The following CCDC102B variants were observed in gnomAD, a reference collection of about 807,000 sequenced individuals.
CCDC102B encodes coiled-coil domain containing 102B, also known as coiled-coil domain-containing protein 102B.
Under a neutral mutation model 57.4 loss-of-function variants are expected in CCDC102B, and 75 were observed. The ratio of observed to expected loss-of-function variants is 1.31; its 90% confidence interval spans 1.08 to 1.58. The LOEUF (loss-of-function observed/expected upper bound fraction) is 1.58, where lower values mean the gene tolerates loss of function less well. Among genes scored for constraint, CCDC102B ranks in the 40% most tolerant of loss-of-function variants. The probability of loss-of-function intolerance (pLI) is 0.00; values close to 1 mark genes in which losing one functional copy is unlikely to be tolerated. For missense variants in CCDC102B, 636 were observed against 582.6 expected, an observed-to-expected ratio of 1.09 and a Z score of -0.94; for synonymous variants, 206 against 201.9, an observed-to-expected ratio of 1.02 and a Z score of -0.17.
intron 2 of CCDC102B, among the ~76,000 whole-genome samples, chr18:68,788,933 T>G (rs2035319853): frequency 6.6e-6 from 1 of 152,256 alleles, no homozygotes; most frequent in African/African-American, 2.4e-5. Flanking sequence ...CTGGATGGTC[T>G]TTACATTTTG....
intron 7 of CCDC102B, among the ~76,000 whole-genome samples, chr18:69,027,559 A>G (rs546699971): frequency 6.6e-6 from 1 of 152,200 alleles, no homozygotes; most frequent in Admixed American, 6.5e-5. Context: ...GTGTATTAAC[A>G]TTTTTACTTT....
At chr18:69,018,147 A>G (rs2051720853) in intron 7 of CCDC102B, among the ~76,000 whole-genome samples, 1 of 152,218 alleles carries the variant, frequency 6.6e-6, no homozygotes, top group Non-Finnish European at 1.5e-5. Context: ...TATCTTCACC[A>G]TTGTGAACAT....
At chr18:68,884,375 G>A (rs1358743231) in intron 5 of CCDC102B, among the ~76,000 whole-genome samples, 1 of 152,038 alleles carries the variant, frequency 6.6e-6, no homozygotes, top group Admixed American at 6.6e-5. Context: ...ACATGGATGG[G>A]CCAGTAGGAC....
In CCDC102B at chr18:68,837,619, C is replaced by T. The variant is rs78078003; in HGVS notation, c.606+250C>T. Among the ~76,000 whole-genome samples, 951 of 152,214 alleles carry T rather than the reference C, an allele frequency of 6.2e-3. 7 individuals are homozygous for T. Among genetic ancestry groups the T allele is most frequent in the Middle Eastern group, 0.031 (9 of 294 alleles). ...CCTCTCTCCTTGGCTTATAGAAAGC[C>T]GTTTTCTCCCTGTGTCTTCACATGG... On this transcript the variant is annotated intron_variant, in intron 2 of 7. Transcript: ENST00000360242.
chr18:68,753,937 A>G (rs1445808810), intron 2 of CCDC102B: 1 of 152,112 alleles, frequency 6.6e-6, no homozygotes, highest in Admixed American at 6.6e-5. Flanking sequence ...CTTTTTTTCA[A>G]TAATAAAAAT....
chr18:68,887,363 T>C (rs2039927526), intron 5 of CCDC102B, among the ~76,000 whole-genome samples: 1 of 152,142 alleles, frequency 6.6e-6, no homozygotes, highest in Non-Finnish European at 1.5e-5. Context: ...TGAACTCTGG[T>C]CATAAATAAT....
intron 6 of CCDC102B, among the ~76,000 whole-genome samples, chr18:68,922,101 C>T (rs976217818): frequency 6.6e-6 from 1 of 152,126 alleles, no homozygotes; most frequent in Non-Finnish European, 1.5e-5. Flanking sequence ...ATCCTGCACT[C>T]AGCCTATTGA....
chr18:68,728,754 AAAAAT>A (rs1328867666), intron 2 of CCDC102B, among the ~76,000 whole-genome samples: 1 of 152,216 alleles, frequency 6.6e-6, no homozygotes, highest in Non-Finnish European at 1.5e-5. Flanking sequence ...GTAAGACAAA[AAAAAT>A]AGAAGAATTT....
intron 5 of CCDC102B, among the ~76,000 whole-genome samples, chr18:68,884,907 G>A (rs1223759638): frequency 1.3e-5 from 2 of 151,794 alleles, no homozygotes; most frequent in African/African-American, 4.8e-5. Context: ...AGGTAACTAT[G>A]TGAGGTGATG....
Position 69,054,443 on chromosome 18 carries a change from G to A in CCDC102B, c.*306G>A, listed in dbSNP as rs1055344579. ...TAAAATCTGAAAGAGTTATAATATCGGTAAGAAAAAGTAAGTTGAAAACCA... is the reference window on the plus strand; with the variant it reads ...TAAAATCTGAAAGAGTTATAATATCAGTAAGAAAAAGTAAGTTGAAAACCA... On this transcript the variant is annotated 3_prime_UTR_variant, in exon 8 of 8. Coordinates refer to ENST00000360242, the MANE Select transcript of CCDC102B (RefSeq NM_024781.3). 96 of 1,034,274 alleles carry A rather than the reference G, an allele frequency of 9.3e-5. No individual in the cohort carries two copies. The highest frequency in any genetic ancestry group is 1.1e-4 in the Non-Finnish European group (92 of 862,526). The allele number at this position is 1,034,274 out of a possible 1,614,324, so 64.1% of individuals were successfully genotyped here.
At chr18:68,795,125 C>T (rs771125242), upstream of CCDC102B, among the ~76,000 whole-genome samples, 11 of 150,642 alleles carry the variant, frequency 7.3e-5, no homozygotes, top group Admixed American at 1.3e-4. Flanking sequence ...AATGTAAAGA[C>T]GGGTTATTAA....
At chr18:68,969,908 A>G (rs1245292267) in intron 6 of CCDC102B, among the ~76,000 whole-genome samples, 1 of 152,100 alleles carries the variant, frequency 6.6e-6, no homozygotes, top group Non-Finnish European at 1.5e-5. Flanking sequence ...TAGTTGCCCA[A>G]AAGTAAAAAA....
intron 2 of CCDC102B, among the ~76,000 whole-genome samples, chr18:68,783,244 T>C (rs2035068472): frequency 6.6e-6 from 1 of 152,170 alleles, no homozygotes; most frequent in Non-Finnish European, 1.5e-5. Context: ...TAAGAAGTCT[T>C]ATTTTTGAGT....
chr18:69,052,691 A>G (rs2052738334), intron 7 of CCDC102B, among the ~76,000 whole-genome samples: 1 of 151,826 alleles, frequency 6.6e-6, no homozygotes, highest in Admixed American at 6.6e-5. Flanking sequence ...TATTAACCAG[A>G]AAGTCGTGCG....
Position 68,783,361 on chromosome 18 carries a change from T to C in CCDC102B, c.-66-40005T>C, listed in dbSNP as rs898312915. The stretch of plus-strand genomic sequence containing the variant: ...TAAAACTTTGTGATGTGTCTCTCCC[T>C]GTCCCTTGTGCTCATGCTAGGAAGC... On this transcript the variant is annotated intron_variant, in intron 2 of 3. Transcript: ENST00000578970. 2.0e-5 allele frequency among the ~76,000 whole-genome samples: 3 copies of C among 152,222 alleles called. No individual in the cohort carries two copies. In the South Asian group the frequency reaches 6.2e-4, roughly 31 times the overall value.
intron 1 of CCDC102B, among the ~76,000 whole-genome samples, chr18:68,835,316 A>G (rs549932400): frequency 6.2e-4 from 94 of 152,312 alleles, no homozygotes; most frequent in Middle Eastern, 3.4e-3. Flanking sequence ...AGCGATAGTC[A>G]TAACTTCTTC....
chr18:68,854,137 G>A (rs2038273513), intron 4 of CCDC102B, among the ~76,000 whole-genome samples: 1 of 148,628 alleles, frequency 6.7e-6, no homozygotes, highest in African/African-American at 2.5e-5. Flanking sequence ...TTCCGCTCTT[G>A]TTGCCCAGGC....
rs765994922 is a variant in CCDC102B at position 68,975,375 on chromosome 18, T to G, written c.1264-35559T>G. On this transcript the variant is annotated intron_variant, in intron 6 of 7. Coordinates refer to ENST00000360242, the MANE Select transcript of CCDC102B (RefSeq NM_024781.3). Reference sequence around the variant, plus strand: ...GAAAACAATGAAATTATAGAGCAATTTATTATATATGTGAACTTTCATTCT... The same window carrying G: ...GAAAACAATGAAATTATAGAGCAATGTATTATATATGTGAACTTTCATTCT... 1.3e-4 allele frequency among the ~76,000 whole-genome samples: 20 copies of G among 152,194 alleles called. No homozygotes were observed. In the East Asian group the frequency reaches 1.9e-3, roughly 15 times the overall value.
intron 6 of CCDC102B, chr18:68,897,657 T>G: frequency 6.9e-7 from 1 of 1,453,384 alleles, no homozygotes; most frequent in Non-Finnish European, 9.1e-7. Context: ...AGTTTCAAGA[T>G]TTCCAAAAGG....
Sources: gnomAD v4.1 joint callset for allele counts (sites outside exome capture counted in the v4.1 genomes callset) on GRCh38, gnomAD v4.1.1 for gene constraint, MANE v1.5 for transcripts, NCBI Gene and HGNC (gene_info 2026-07-23, HGNC 2026-07-21) for gene names.